Variants in TMEM259 observed in about 807,000 individuals in gnomAD.
TMEM259 encodes membralin.
A neutral mutation model predicts 46.7 loss-of-function variants in TMEM259; 26 were observed. The ratio of observed to expected loss-of-function variants is 0.56; its 90% CI spans 0.41 to 0.77. TMEM259 has a LOEUF of 0.77. Ranked by LOEUF, TMEM259 falls within the 30% of genes least tolerant of loss-of-function variation. TMEM259 has a pLI of 0.00. For missense variants in TMEM259, 930 were observed against 900.5 expected, an observed-to-expected ratio of 1.03 and a Z score of -0.42; for synonymous variants, 494 against 395.1, an observed-to-expected ratio of 1.25 and a Z score of -2.97.
At position 1,010,589 on chromosome 19, in the gene TMEM259, C is replaced by T. The variant is rs1276823499; in HGVS notation, c.1624G>A (p.Ala542Thr). The change falls in exon 11 of 11, where the codon GCA becomes ACA. Residue 542 changes from alanine (A) to threonine (T), a missense_variant. Transcript: ENST00000356663. ...TCTGTGATGATGGCAGCGGTCTCTG[C>T]CATCCAACCCAGGTCACCACCGGCA... ...AAAGGDLGWMAETAAIITDAS... is the reference protein window; with the variant it reads ...AAAGGDLGWMTETAAIITDAS... 2 of 1,551,246 alleles carry T rather than the reference C, an allele frequency of 1.3e-6. No individual in the cohort carries two copies. Among genetic ancestry groups the T allele is most frequent in the South Asian group, 1.2e-5 (1 of 84,532 alleles).
Position 1,020,901 on chromosome 19 carries a change from G to C in TMEM259, c.96C>G (p.Leu32=). Residue 32 remains leucine (L), a synonymous_variant, in exon 1 of 11, where the codon CTC becomes CTG. Coordinates refer to ENST00000356663, the MANE Select transcript of TMEM259 (RefSeq NM_001033026.2). The surrounding 1 kb of genome is among the most constrained non-coding windows in gnomAD (Gnocchi z 4.0). Reference sequence around the variant, plus strand: ...GCACGTTGATGAGGGGGTTGGGGTTGAGATTGGGGGTGCGAGGCCCGCGCG... The same window carrying C: ...GCACGTTGATGAGGGGGTTGGGGTTCAGATTGGGGGTGCGAGGCCCGCGCG... The part of the protein sequence containing the change: ...APARGPRTPN[L]NPNPLINVRD... 1 of 1,289,316 alleles carries C rather than the reference G, an allele frequency of 7.8e-7. No individual in the cohort carries two copies. Among genetic ancestry groups the C allele is most frequent in the African/African-American group, 1.5e-5 (1 of 64,938 alleles). 79.9% of individuals were successfully genotyped at this position (1,289,316 alleles called of 1,614,324 possible).
Position 1,020,708 on chromosome 19 carries a change from G to T in TMEM259, c.225+64C>A. ...GCGGGGCCAGGGGTCGCGGTCGGAG[G>T]TAGCAGACTTGGGGGTCGGGACAGC... On this transcript the variant is annotated intron_variant, in intron 1 of 10. Coordinates refer to ENST00000356663, the MANE Select transcript of TMEM259 (RefSeq NM_001033026.2). This position sits in a 1 kb window ranked among gnomAD's most constrained non-coding sequence, Gnocchi z 4.0. 1 of 1,189,552 alleles carries T rather than the reference G, an allele frequency of 8.4e-7. No individual in the cohort carries two copies. The highest frequency in any genetic ancestry group is 3.3e-5 in the South Asian group (1 of 30,092). 73.7% of individuals were successfully genotyped at this position (1,189,552 alleles called of 1,614,324 possible).
Position 1,009,679 on chromosome 19 carries a change from A to T in TMEM259, c.*671T>A. On this transcript the variant is annotated 3_prime_UTR_variant, in exon 11 of 11. Transcript: ENST00000356663. ...GCTGTCAACAGACAGTTTATTCTATATACAAACACAATTTTGTACACTGCA... is the reference window on the plus strand; with the variant it reads ...GCTGTCAACAGACAGTTTATTCTATTTACAAACACAATTTTGTACACTGCA... 1 of 1,166,266 alleles carries T rather than the reference A, an allele frequency of 8.6e-7. No individual in the cohort carries two copies. The highest frequency in any genetic ancestry group is 1.1e-6 in the Non-Finnish European group (1 of 892,358). The allele number at this position is 1,166,266 out of a possible 1,614,324, so 72.2% of individuals were successfully genotyped here.
chr19:1,014,173 G>T lies in TMEM259; in HGVS notation c.507+19C>A, dbSNP rs750094365. ...CGGGGCGCTGGCCTCTGCTGCAGCT[G>T]AGCCCAGGCCTGGCTCACCTTGATG... On this transcript the variant is annotated intron_variant, in intron 2 of 10. Transcript: ENST00000356663. 1.9e-6 allele frequency: 3 copies of T among 1,594,850 alleles called. No individual in the cohort carries two copies. The highest frequency in any genetic ancestry group is 1.1e-5 in the South Asian group (1 of 90,454).
intron 2 of TMEM259, 67 bp downstream of exon 2, chr19:1,014,125 G>A (rs553876305): frequency 3.9e-6 from 6 of 1,541,412 alleles, no homozygotes; most frequent in East Asian, 4.5e-5. Flanking sequence ...GTCAGGAACC[G>A]CCCCTTCAGC....
chr19:1,013,171 C>G (rs919679091), intron 3 of TMEM259, 70 bp downstream of exon 3: 1 of 1,386,542 alleles, frequency 7.2e-7, no homozygotes, highest in Admixed American at 1.7e-5. Context: ...CGGAGGGACC[C>G]CGCCTGCACC....
In TMEM259 at chr19:1,010,239, A is replaced by T; in HGVS notation, c.*111T>A. The T allele has an allele frequency of 9.3e-7, 1 of 1,081,080 alleles. No homozygotes were observed. The highest frequency in any genetic ancestry group is 1.2e-6 in the Non-Finnish European group (1 of 802,804). 67.0% of individuals were successfully genotyped at this position (1,081,080 alleles called of 1,614,324 possible). A position where few individuals can be genotyped will look rare whatever the true frequency, so the allele number is the denominator to read the frequency against. ...CCCCACGAAACCCTGAAAGCCCCCG[A>T]CACAGGCTGGGCAGTCCCAGAGGAA... On this transcript the variant is annotated 3_prime_UTR_variant, in exon 11 of 11. Transcript: ENST00000356663.
At position 1,009,674 on chromosome 19, in the gene TMEM259, T is replaced by C; in HGVS notation, c.*676A>G. ...GAGCCGCTGTCAACAGACAGTTTAT[T>C]CTATATACAAACACAATTTTGTACA... On this transcript the variant is annotated 3_prime_UTR_variant, in exon 11 of 11. Coordinates refer to ENST00000356663, the MANE Select transcript of TMEM259 (RefSeq NM_001033026.2). 1.6e-6 allele frequency: 2 copies of C among 1,215,922 alleles called. No homozygotes were observed. The highest frequency in any genetic ancestry group is 2.1e-6 in the Non-Finnish European group (2 of 935,558). 75.3% of individuals were successfully genotyped at this position (1,215,922 alleles called of 1,614,324 possible). A position where few individuals can be genotyped will look rare whatever the true frequency, so the allele number is the denominator to read the frequency against.
chr19:1,011,959 T>C lies in TMEM259; in HGVS notation c.875A>G (p.Tyr292Cys). The change falls in exon 6 of 11, where the codon TAC (tyrosine) becomes TGC (cysteine). Residue 292 changes from tyrosine to cysteine, a missense_variant. Transcript: ENST00000356663. Reference sequence around the variant, plus strand: ...CGCCATCCACATGCTCACAAAGCGGTAGTGCTCGCCCGACACCACATTCCG... The same window carrying C: ...CGCCATCCACATGCTCACAAAGCGGCAGTGCTCGCCCGACACCACATTCCG... ...FLRNVVSGEH[Y>C]RFVSMWMART... The C allele has an allele frequency of 6.2e-7, 1 of 1,611,846 alleles. No individual in the cohort carries two copies.
At position 1,020,860 on chromosome 19, in the gene TMEM259, T is replaced by A. The variant is rs760042374; in HGVS notation, c.137A>T (p.His46Leu). The change falls in exon 1 of 11, where the codon CAC becomes CTC. Residue 46 changes from histidine (H) to leucine (L), a missense_variant. Physicochemically the swap from His to Leu is moderately conservative, Grantham distance 99 (BLOSUM62 -3). Coordinates refer to ENST00000356663, the MANE Select transcript of TMEM259 (RefSeq NM_001033026.2). This position sits in a 1 kb window ranked among gnomAD's most constrained non-coding sequence, Gnocchi z 4.0. ...PLINVRDRLF[H>L]ALFFKMAVTY... is the part of the protein sequence containing the mutation. ...GACAGCCATCTTGAAGAACAGCGCG[T>A]GGAAGAGCCGGTCGCGCACGTTGAT... is the stretch of plus-strand genomic sequence containing the variant. The A allele has an allele frequency of 7.6e-7, 1 of 1,314,396 alleles. No individual in the cohort carries two copies. The highest frequency in any genetic ancestry group is 3.6e-5 in the Admixed American group (1 of 27,634). The allele number at this position is 1,314,396 out of a possible 1,614,324, so 81.4% of individuals were successfully genotyped here.
In TMEM259 at chr19:1,010,879, A is replaced by T. The variant is rs1382225402; in HGVS notation, c.1334T>A (p.Phe445Tyr). 3.2e-6 allele frequency: 5 copies of T among 1,587,164 alleles called. No individual in the cohort carries two copies. The highest frequency in any genetic ancestry group is 3.4e-6 in the Non-Finnish European group (4 of 1,172,684). Residue 445 changes from phenylalanine (F) to tyrosine (Y), a missense_variant, in exon 11 of 11, where the codon TTC (phenylalanine) becomes TAC (tyrosine). Physicochemically the swap from Phe to Tyr is conservative, Grantham distance 22. Coordinates refer to ENST00000356663, the MANE Select transcript of TMEM259 (RefSeq NM_001033026.2). The stretch of plus-strand genomic sequence containing the variant: ...GGCAGGCAGCTCGTAGTGGTGGAAG[A>T]AGTAGATCATGGAATGCTGCGGGAG... Reference protein sequence around the residue: ...WLFIQHSMIYFFHHYELPAIL... With the variant: ...WLFIQHSMIYYFHHYELPAIL...
Position 1,020,529 on chromosome 19 carries a change from G to A in TMEM259, c.225+243C>T, listed in dbSNP as rs1332003900. 6.6e-6 allele frequency among the ~76,000 whole-genome samples: 1 copy of A among 152,130 alleles called. No homozygotes were observed. The highest frequency in any genetic ancestry group is 1.5e-5 in the Non-Finnish European group (1 of 68,020). On this transcript the variant is annotated intron_variant, in intron 1 of 10. Transcript: ENST00000356663. This position sits in a 1 kb window ranked among gnomAD's most constrained non-coding sequence, Gnocchi z 4.0. ...AGAGAACAGCGGCTTCTAGTGCAGCGGGATCCGGCCTTCCCGGGTGGACGT... is the reference window on the plus strand; with the variant it reads ...AGAGAACAGCGGCTTCTAGTGCAGCAGGATCCGGCCTTCCCGGGTGGACGT...
intron 1 of TMEM259, among the ~76,000 whole-genome samples, chr19:1,018,700 C>A (rs1471085592): frequency 6.6e-6 from 1 of 152,172 alleles, no homozygotes; most frequent in African/African-American, 2.4e-5. Context: ...GATTTCCCCA[C>A]CCAGGCCAGG....
chr19:1,011,841 C>T (rs768416321), intron 6 of TMEM259, 43 bp from the exon 7 acceptor site: 24 of 1,590,996 alleles, frequency 1.5e-5, no homozygotes, highest in African/African-American at 2.7e-5. Context: ...GCTGCGAGGG[C>T]CTGCTTGGCT....
Position 1,010,387 on chromosome 19 carries a change from A to T in TMEM259, c.1826T>A (p.Met609Lys). ...CTCCGAGGGCGCCTCCGTTGGGGCC[A>T]TGGAGGCCGGGCTAGGCCCGCCTAC... Reference protein sequence around the residue: ...AAVGGPSPASMAPTEAPSEVG... With the variant: ...AAVGGPSPASKAPTEAPSEVG... The change falls in exon 11 of 11, where the codon ATG (methionine) becomes AAG (lysine). Residue 609 changes from methionine to lysine, a missense_variant. Physicochemically the swap from Met to Lys is moderately conservative, Grantham distance 95. Transcript: ENST00000356663. 1.3e-6 allele frequency: 2 copies of T among 1,509,616 alleles called. No homozygotes were observed. The highest frequency in any genetic ancestry group is 2.4e-5 in the Admixed American group (1 of 41,212). 93.5% of individuals were successfully genotyped at this position (1,509,616 alleles called of 1,614,324 possible).
intron 1 of TMEM259, among the ~76,000 whole-genome samples, chr19:1,018,845 G>A (rs533052427): frequency 5.9e-5 from 9 of 152,178 alleles, no homozygotes; most frequent in Non-Finnish European, 1.2e-4. Context: ...AAAATTAGCC[G>A]GTTGTGATGG....
In TMEM259 at chr19:1,010,354, G is replaced by A. The variant is rs1378536536; in HGVS notation, c.1859C>T (p.Ser620Phe). Residue 620 changes from serine (S) to phenylalanine (F), a missense_variant, in exon 11 of 11, where the codon TCC (serine) becomes TTC (phenylalanine). Physicochemically the swap from Ser to Phe is radical, Grantham distance 155. Transcript: ENST00000356663. ...GAGGCGGCTCAGCTGTGCGGCTCAG[G>A]ACCCCACCTCCGAGGGCGCCTCCGT... ...APTEAPSEVG[S>F] The A allele has an allele frequency of 8.7e-6, 13 of 1,489,096 alleles. No homozygotes were observed. In the South Asian group the frequency reaches 1.5e-4, roughly 17 times the overall value. The allele number at this position is 1,489,096 out of a possible 1,614,324, so 92.2% of individuals were successfully genotyped here. A position where few individuals can be genotyped will look rare whatever the true frequency, so the allele number is the denominator to read the frequency against.
Position 1,013,334 on chromosome 19 carries a change from G to C in TMEM259, c.514C>G (p.Leu172Val). The change falls in exon 3 of 11, where the codon CTG becomes GTG. Residue 172 changes from leucine (L) to valine (V), a missense_variant. Coordinates refer to ENST00000356663, the MANE Select transcript of TMEM259 (RefSeq NM_001033026.2). ...TTGAACACCTTGGGCTCGATGTCCA[G>C]CTCAAACTGTGGGCGACCAGGGACC... Reference protein sequence around the residue: ...MFGNSSIKFELDIEPKVFKPP... With the variant: ...MFGNSSIKFEVDIEPKVFKPP... The C allele has an allele frequency of 6.2e-7, 1 of 1,613,454 alleles. No individual in the cohort carries two copies. The highest frequency in any genetic ancestry group is 8.5e-7 in the Non-Finnish European group (1 of 1,179,626).
chr19:1,010,638 GGCCACCAGGGAGCTGGGCGCCGCT>G lies in TMEM259; in HGVS notation c.1551_1574del (p.Pro520_Ala527del), dbSNP rs747604535. On this transcript the variant is annotated inframe_deletion, in exon 11 of 11. Transcript: ENST00000356663. ...CAGCTGCTGCCACTGAGGCTGCCGC[GGCCACCAGGGAGCTGGGCGCCGCT>G]GCCACAGGCCCGGGACTCCCGCTGG... 3.9e-6 allele frequency: 6 copies of G among 1,543,390 alleles called. No individual in the cohort carries two copies. The highest frequency in any genetic ancestry group is 1.4e-5 in the African/African-American group (1 of 73,150).
Sources: gnomAD v4.1 joint callset for allele counts (sites outside exome capture counted in the v4.1 genomes callset) on GRCh38, gnomAD v4.1.1 for gene constraint, Gnocchi (gnomAD v3.1) non-coding constraint, MANE v1.5 for transcripts, NCBI Gene and HGNC (gene_info 2026-07-23, HGNC 2026-07-21) for gene names.